The following UTRN variants were observed in gnomAD, a reference collection of about 807,000 sequenced individuals.
UTRN encodes dystrophin-related protein 1.
A neutral mutation model predicts 463.9 loss-of-function variants in UTRN; 283 were observed. That is an observed-to-expected ratio of 0.61 (90% CI 0.55 to 0.67). The LOEUF is 0.67. UTRN is among the 30% of genes least tolerant of loss of function. The pLI, the probability that UTRN is intolerant of heterozygous loss-of-function variation, is 0.00. For synonymous variants in UTRN, 1,442 were observed against 1,431.5 expected, an observed-to-expected ratio of 1.01 and a Z score of -0.17; for missense variants, 3,922 against 4,084.3, an observed-to-expected ratio of 0.96 and a Z score of 1.08.
intron 19 of UTRN, among the ~76,000 whole-genome samples, chr6:144,458,456 G>C (rs1393155211): frequency 1.3e-5 from 2 of 152,186 alleles, no homozygotes; most frequent in Non-Finnish European, 2.9e-5. Flanking sequence ...TGGTTCAGGT[G>C]ATAAACTAGC....
chr6:144,445,119 G>A (rs1787532342), intron 14 of UTRN, among the ~76,000 whole-genome samples: 1 of 152,148 alleles, frequency 6.6e-6, no homozygotes, highest in South Asian at 2.1e-4. Context: ...GGGAGGCTGA[G>A]GCAGGTGGAT....
At chr6:144,453,634 T>C in intron 18 of UTRN, 148 bp from the exon 19 acceptor site, 2 of 564,042 alleles carry the variant, frequency 3.5e-6, no homozygotes, top group Non-Finnish European at 6.1e-6. Context: ...AAGAAACCAA[T>C]GCTTTTTAGT....
rs1781353190 is a variant in UTRN, at chr6:144,839,235, G to A, written c.10128G>A (p.Leu3376=). The A allele has an allele frequency of 1.2e-6, 2 of 1,613,986 alleles. No homozygotes were observed. Among genetic ancestry groups the A allele is most frequent in the Non-Finnish European group, 1.7e-6 (2 of 1,179,950 alleles). ...SPWASPQHSA[L]SYSLDPDASG... is the part of the protein sequence containing the mutation. ...GGGCTTCTCCTCAGCATTCTGCACTGAGCTACTCGCTTGATCCAGATGCCT... is the reference window on the plus strand; with the variant it reads ...GGGCTTCTCCTCAGCATTCTGCACTAAGCTACTCGCTTGATCCAGATGCCT... Residue 3376 remains leucine (L), a synonymous_variant, in exon 72 of 75, where the codon CTG becomes CTA. Coordinates refer to ENST00000367545, the MANE Select transcript of UTRN (RefSeq NM_007124.3).
At chr6:144,316,223 G>A (rs956404979) in intron 2 of UTRN, among the ~76,000 whole-genome samples, 1 of 152,134 alleles carries the variant, frequency 6.6e-6, no homozygotes, top group Non-Finnish European at 1.5e-5. Context: ...ACAAAACAAC[G>A]GATAGACTGA....
At chr6:144,494,085 G>A (rs1311823947) in intron 33 of UTRN, among the ~76,000 whole-genome samples, 1 of 152,134 alleles carries the variant, frequency 6.6e-6, no homozygotes, top group Non-Finnish European at 1.5e-5. Flanking sequence ...TTATTCTAAG[G>A]ATACTACAAG....
chr6:144,789,163 A>C, intron 61 of UTRN, 31 bp from the exon 62 acceptor site: 1 of 1,556,834 alleles, frequency 6.4e-7, no homozygotes. Flanking sequence ...TTTTAAATGC[A>C]TCTAACACAT....
intron 51 of UTRN, among the ~76,000 whole-genome samples, chr6:144,635,014 T>C (rs531070672): frequency 1.3e-5 from 2 of 152,300 alleles, no homozygotes; most frequent in South Asian, 4.1e-4. Flanking sequence ...TTATTCCTCT[T>C]GAGTAGAACT....
intron 25 of UTRN, among the ~76,000 whole-genome samples, 198 bp downstream of exon 25, chr6:144,474,957 T>C (rs551587724): frequency 2.0e-5 from 3 of 152,338 alleles, no homozygotes; most frequent in Non-Finnish European, 1.5e-5. Context: ...CCAGTTTGGC[T>C]CAGGGCTTAT....
Position 144,537,643 on chromosome 6 carries a change from T to C in UTRN, c.6295T>C (p.Trp2099Arg), listed in dbSNP as rs1023484068. 1.2e-6 allele frequency: 2 copies of C among 1,612,822 alleles called. No individual in the cohort carries two copies. Among genetic ancestry groups the C allele is most frequent in the African/African-American group, 1.3e-5 (1 of 74,926 alleles). The change falls in exon 44 of 75, where the codon TGG becomes CGG. Residue 2099 changes from tryptophan to arginine, a missense_variant. Trp to Arg is a moderately radical substitution (Grantham distance 101, BLOSUM62 -3). Around this residue, in one of 3 missense-constraint regions of UTRN, gnomAD observed 2,349 missense variants for 2,303.8 expected, o/e 1.02. Transcript: ENST00000367545. ...GCATCAGCTAGATGAGATTATCTGT[T>C]GGTTAACAAAGGCTGAGCATGCTAT... ...YRHQLDEIICWLTKAEHAMQK... is the reference protein window; with the variant it reads ...YRHQLDEIICRLTKAEHAMQK...
chr6:144,505,247 G>A (rs954548405), intron 34 of UTRN, among the ~76,000 whole-genome samples: 8 of 151,980 alleles, frequency 5.3e-5, no homozygotes, highest in African/African-American at 4.8e-5. Flanking sequence ...AAGGGTTTTC[G>A]TGTCTCTATC....
Position 144,436,002 on chromosome 6 carries a change from A to C in UTRN, c.923A>C (p.Asp308Ala). The change falls in exon 10 of 75, where the codon GAC becomes GCC. Residue 308 changes from aspartate (D) to alanine (A), a missense_variant. Asp to Ala is a moderately radical substitution (Grantham distance 126). Transcript: ENST00000367545. ...AETPSTVTEV[D>A]MDLDSYQIAL... ...ACTCCCAGCACTGTCACTGAGGTTGACATGGATCTGGACAGCTATCAGATT... is the reference window on the plus strand; with the variant it reads ...ACTCCCAGCACTGTCACTGAGGTTGCCATGGATCTGGACAGCTATCAGATT... 1 of 1,614,254 alleles carries C rather than the reference A, an allele frequency of 6.2e-7. No homozygotes were observed. Among genetic ancestry groups the C allele is most frequent in the Non-Finnish European group, 8.5e-7 (1 of 1,180,038 alleles).
chr6:144,364,587 G>A (rs1165155519), intron 2 of UTRN, among the ~76,000 whole-genome samples: 1 of 152,196 alleles, frequency 6.6e-6, no homozygotes, highest in Non-Finnish European at 1.5e-5. Flanking sequence ...ACTGAGAAGC[G>A]TTGCAGATGA....
chr6:144,801,992 C>T (rs1467411468), intron 64 of UTRN, among the ~76,000 whole-genome samples: 1 of 152,196 alleles, frequency 6.6e-6, no homozygotes, highest in Non-Finnish European at 1.5e-5. Context: ...TGGTCACCAA[C>T]ATCAGCAAGA....
intron 69 of UTRN, among the ~76,000 whole-genome samples, chr6:144,829,670 A>G: frequency 6.6e-6 from 1 of 151,934 alleles, no homozygotes; most frequent in Non-Finnish European, 1.5e-5. Flanking sequence ...TGTAAAGTAG[A>G]CAGAAAAGTT....
chr6:144,753,733 T>C (rs1586392229), intron 56 of UTRN, among the ~76,000 whole-genome samples: 1 of 149,880 alleles, frequency 6.7e-6, no homozygotes. Flanking sequence ...CCGGCATGAT[T>C]GCACATGCGT....
chr6:144,399,762 G>T (rs572960780), intron 2 of UTRN, among the ~76,000 whole-genome samples: 2 of 152,148 alleles, frequency 1.3e-5, no homozygotes, highest in African/African-American at 2.4e-5. Flanking sequence ...GATATATGTT[G>T]CTACGTTCTG....
intron 52 of UTRN, among the ~76,000 whole-genome samples, chr6:144,688,070 TTTGA>T (rs558421137): frequency 5.3e-5 from 8 of 152,304 alleles, no homozygotes; most frequent in Non-Finnish European, 1.2e-4. Flanking sequence ...TTTAATTTTG[TTTGA>T]TTGGGTTAAT....
chr6:144,827,578 A>G, intron 67 of UTRN, 33 bp from the exon 68 acceptor site: 1 of 1,612,292 alleles, frequency 6.2e-7, no homozygotes, highest in Non-Finnish European at 8.5e-7. Flanking sequence ...ATATTTGGGC[A>G]TAAAATTATT....
chr6:144,618,513 C>A (rs1806376364), intron 51 of UTRN, among the ~76,000 whole-genome samples: 1 of 152,058 alleles, frequency 6.6e-6, no homozygotes, highest in East Asian at 1.9e-4. Flanking sequence ...ACTAACTGTA[C>A]TTTGGTTACA....
Sources: allele counts gnomAD v4.1 joint callset (sites outside exome capture counted in the v4.1 genomes callset), GRCh38; gene constraint gnomAD v4.1.1; regional missense constraint gnomAD v4.1.1; transcripts MANE v1.5; gene names NCBI Gene and HGNC (gene_info 2026-07-23, HGNC 2026-07-21).